The following JMJD1C variants were observed in gnomAD, a reference collection of about 807,000 sequenced individuals.
JMJD1C encodes jumonji domain-containing protein 1C.
Under a neutral mutation model 245.3 loss-of-function variants are expected in JMJD1C, and 31 were observed. That is an observed-to-expected ratio of 0.13 (90% CI 0.09 to 0.17). The LOEUF is 0.17. Among genes scored for constraint, JMJD1C ranks in the 10% least tolerant of loss-of-function variants. The pLI is 1.00. For missense variants in JMJD1C, 2,691 were observed against 3,000.2 expected, an observed-to-expected ratio of 0.90 and a Z score of 2.41; for synonymous variants, 1,057 against 1,017.4, an observed-to-expected ratio of 1.04 and a Z score of -0.74.
At chr10:63,363,909 G>A (rs1012656108) in intron 2 of JMJD1C, among the ~76,000 whole-genome samples, 17 of 146,248 alleles carry the variant, frequency 1.2e-4, no homozygotes, top group Non-Finnish European at 2.4e-4. Flanking sequence ...AAGCTGTAGT[G>A]CAGTGGCATG....
intron 1 of JMJD1C, among the ~76,000 whole-genome samples, chr10:63,474,302 A>G (rs940885621): frequency 2.6e-5 from 4 of 152,178 alleles, no homozygotes; most frequent in African/African-American, 2.4e-5. Flanking sequence ...GTCTCTCCTC[A>G]ATCGCTAAAA....
intron 3 of JMJD1C, among the ~76,000 whole-genome samples, chr10:63,258,870 G>A (rs140950778): frequency 5.4e-4 from 82 of 152,274 alleles, no homozygotes; most frequent in African/African-American, 1.9e-3. Flanking sequence ...GCAGGGAGCC[G>A]TGAAATTGGT....
chr10:63,379,211 C>T (rs1489976331), intron 2 of JMJD1C, among the ~76,000 whole-genome samples: 1 of 152,000 alleles, frequency 6.6e-6, no homozygotes, highest in African/African-American at 2.4e-5. Flanking sequence ...AATTTGCAGG[C>T]TTAAAAAATT....
At chr10:63,243,296 G>A (rs1851756948) in intron 3 of JMJD1C, among the ~76,000 whole-genome samples, 1 of 151,808 alleles carries the variant, frequency 6.6e-6, no homozygotes, top group Admixed American at 6.6e-5. Flanking sequence ...GGAGGCTGAG[G>A]TGGGAGTATC....
At chr10:63,375,077 G>A (rs889066619) in intron 2 of JMJD1C, among the ~76,000 whole-genome samples, 5 of 151,872 alleles carry the variant, frequency 3.3e-5, no homozygotes, top group African/African-American at 1.2e-4. Flanking sequence ...CAAAAGCAGG[G>A]ATCCCTTGTC....
intron 24 of JMJD1C, among the ~76,000 whole-genome samples, chr10:63,169,193 T>G (rs1181455870): frequency 6.6e-6 from 1 of 152,112 alleles, no homozygotes; most frequent in African/African-American, 2.4e-5. Context: ...GTACAACAGT[T>G]TTTCAACAGT....
At chr10:63,221,938 T>C (rs761198247) in intron 3 of JMJD1C, among the ~76,000 whole-genome samples, 17 of 152,182 alleles carry the variant, frequency 1.1e-4, no homozygotes, top group Non-Finnish European at 2.4e-4. Flanking sequence ...GTTAGGCTGG[T>C]CTCAAACTCC....
chr10:63,226,164 T>C (rs1849254382), intron 3 of JMJD1C, among the ~76,000 whole-genome samples: 1 of 152,234 alleles, frequency 6.6e-6, no homozygotes, highest in Non-Finnish European at 1.5e-5. Context: ...AAGATACCTT[T>C]CTATAAACTT....
intron 12 of JMJD1C, among the ~76,000 whole-genome samples, chr10:63,197,985 G>C (rs779441749): frequency 6.6e-6 from 1 of 152,174 alleles, no homozygotes; most frequent in Non-Finnish European, 1.5e-5. Context: ...GCAAACCAGT[G>C]ATTTCAAGGA....
intron 16 of JMJD1C, among the ~76,000 whole-genome samples, chr10:63,192,012 C>CA (rs1329362023): frequency 9.3e-6 from 1 of 107,162 alleles, no homozygotes; most frequent in African/African-American, 3.7e-5. Flanking sequence ...AAAAAAAACA[C>CA]AAAAAACAAA....
At chr10:63,464,379 G>C (rs1365173754) in intron 1 of JMJD1C, among the ~76,000 whole-genome samples, 2 of 152,054 alleles carry the variant, frequency 1.3e-5, no homozygotes, top group East Asian at 1.9e-4. Context: ...AAAATATTAG[G>C]TAGATACCTG....
At chr10:63,292,939 G>A (rs1275752407) in intron 2 of JMJD1C, among the ~76,000 whole-genome samples, 1 of 152,082 alleles carries the variant, frequency 6.6e-6, no homozygotes, top group Non-Finnish European at 1.5e-5. Context: ...AGCTACTTGA[G>A]AAGCTGAGGC....
chr10:63,267,951 G>A (rs1023513016), intron 2 of JMJD1C, among the ~76,000 whole-genome samples: 1 of 151,844 alleles, frequency 6.6e-6, no homozygotes, highest in Admixed American at 6.6e-5. Flanking sequence ...AGCCCTCCCC[G>A]AAAAACATTT....
intron 17 of JMJD1C, among the ~76,000 whole-genome samples, chr10:63,189,674 T>A (rs1034148295): frequency 2.6e-5 from 4 of 152,122 alleles, no homozygotes; most frequent in Non-Finnish European, 5.9e-5. Flanking sequence ...TCTTTTACAT[T>A]GTTATAGGCC....
intron 2 of JMJD1C, among the ~76,000 whole-genome samples, chr10:63,329,434 T>C (rs532324852): frequency 6.7e-6 from 1 of 149,264 alleles, no homozygotes; most frequent in Non-Finnish European, 1.5e-5. Flanking sequence ...CCTGAACAAT[T>C]ATTCAGAAAC....
rs148835168 is a variant in JMJD1C, at chr10:63,311,794, C to T, written c.334-47030G>A. Among the ~76,000 whole-genome samples, 10 of 152,170 alleles carry T rather than the reference C, an allele frequency of 6.6e-5. No homozygotes were observed. The East Asian group carries it at 1.7e-3, about 26-fold the overall frequency. On this transcript the variant is annotated intron_variant, in intron 2 of 25. Transcript: ENST00000399262. The stretch of plus-strand genomic sequence containing the variant: ...GATTACTGATGGAGAAAGAGGAGAG[C>T]TGGATTAAAAAGAAGTACAAGAACA...
chr10:63,288,409 T>G (rs1858228482), intron 2 of JMJD1C, among the ~76,000 whole-genome samples: 1 of 152,224 alleles, frequency 6.6e-6, no homozygotes, highest in South Asian at 2.1e-4. Flanking sequence ...AGGACATCTT[T>G]GATGCTTCCA....
At chr10:63,459,338 C>A (rs1015316375) in intron 1 of JMJD1C, among the ~76,000 whole-genome samples, 7 of 152,102 alleles carry the variant, frequency 4.6e-5, no homozygotes, top group Non-Finnish European at 1.0e-4. Context: ...ATTTATCTGA[C>A]CAACACTGAC....
chr10:63,237,765 C>T (rs753081961), intron 3 of JMJD1C, among the ~76,000 whole-genome samples: 3 of 152,056 alleles, frequency 2.0e-5, no homozygotes, highest in Non-Finnish European at 4.4e-5. Context: ...ATCCAAAATG[C>T]TCCAATGAGC....
Sources: allele counts gnomAD v4.1 joint callset (sites outside exome capture counted in the v4.1 genomes callset), GRCh38; gene constraint gnomAD v4.1.1; transcripts MANE v1.5; gene names NCBI Gene and HGNC (gene_info 2026-07-23, HGNC 2026-07-21).